Variants in DPP10 observed in about 807,000 individuals in gnomAD.
DPP10 encodes inactive dipeptidyl peptidase 10.
A neutral mutation model predicts 120.9 loss-of-function variants in DPP10; 33 were observed. That is an observed-to-expected ratio of 0.27 (90% CI 0.21 to 0.37). The LOEUF is 0.37. Ranked by LOEUF, DPP10 falls within the 10% of genes least tolerant of loss-of-function variation. DPP10 has a pLI of 1.00. For missense variants in DPP10, 816 were observed against 942.8 expected (o/e 0.87, Z 1.76); for synonymous variants, 337 against 326.1 (o/e 1.03, Z -0.36).
chr2:115,632,369 G>GA (rs535785079), intron 5 of DPP10, among the ~76,000 whole-genome samples: 111 of 152,194 alleles, frequency 7.3e-4, no homozygotes, highest in African/African-American at 2.4e-3. Flanking sequence ...GCCATTCTCT[G>GA]TCTTTTGATC....
intron 1 of DPP10, among the ~76,000 whole-genome samples, chr2:115,155,326 G>A (rs980689120): frequency 1.6e-4 from 25 of 152,174 alleles, no homozygotes; most frequent in African/African-American, 6.0e-4. Context: ...GGTTGTGAAA[G>A]GTGTTGAGTC....
intron 3 of DPP10, among the ~76,000 whole-genome samples, chr2:115,428,144 T>A (rs1298682359): frequency 6.6e-6 from 1 of 152,198 alleles, no homozygotes; most frequent in Non-Finnish European, 1.5e-5. Flanking sequence ...GACTTCACTG[T>A]CCATATCACT....
At chr2:114,997,904 C>T (rs1701198680) in intron 1 of DPP10, among the ~76,000 whole-genome samples, 1 of 152,158 alleles carries the variant, frequency 6.6e-6, no homozygotes, top group East Asian at 1.9e-4. Flanking sequence ...AGATGAAATT[C>T]ACATATGTTT....
intron 5 of DPP10, among the ~76,000 whole-genome samples, chr2:115,643,131 T>TA (rs548760124): frequency 0.055 from 7,975 of 144,854 alleles, 288 homozygotes; most frequent in Non-Finnish European, 0.077. Flanking sequence ...ACTCTAGAAA[T>TA]AAAAAAAAAA....
chr2:114,497,070 CATAT>C (rs1272972272), intron 1 of DPP10, among the ~76,000 whole-genome samples: 1 of 149,850 alleles, frequency 6.7e-6, no homozygotes, highest in African/African-American at 2.5e-5. Context: ...TATACATACA[CATAT>C]ACATATACAT....
chr2:114,475,686 CTATT>C (rs1413243973), intron 1 of DPP10, among the ~76,000 whole-genome samples: 1 of 152,148 alleles, frequency 6.6e-6, no homozygotes, highest in African/African-American at 2.4e-5. Flanking sequence ...TGTAGTTAAT[CTATT>C]TAAAGAATCA....
chr2:114,693,333 A>G (rs1479736905), intron 1 of DPP10, among the ~76,000 whole-genome samples: 1 of 151,882 alleles, frequency 6.6e-6, no homozygotes, highest in East Asian at 1.9e-4. Flanking sequence ...TCTTTCACTT[A>G]TGAAGCTTAG....
intron 5 of DPP10, among the ~76,000 whole-genome samples, chr2:115,556,682 T>C (rs2080238345): frequency 6.6e-6 from 1 of 152,144 alleles, no homozygotes; most frequent in African/African-American, 2.4e-5. Context: ...TCTTAACCAA[T>C]AACTATTTCT....
intron 1 of DPP10, among the ~76,000 whole-genome samples, chr2:114,696,649 T>C (rs955405536): frequency 2.0e-5 from 3 of 151,962 alleles, no homozygotes; most frequent in Non-Finnish European, 4.4e-5. Flanking sequence ...TAAGTCAGTT[T>C]GTTTGGTGCC....
intron 1 of DPP10, among the ~76,000 whole-genome samples, chr2:114,869,296 G>A (rs1323331265): frequency 6.6e-6 from 1 of 152,110 alleles, no homozygotes; most frequent in African/African-American, 2.4e-5. Context: ...CTCCTTAACT[G>A]ATTGTGAAGC....
chr2:115,352,543 A>G (rs2064103053), intron 3 of DPP10, among the ~76,000 whole-genome samples: 1 of 152,128 alleles, frequency 6.6e-6, no homozygotes, highest in Non-Finnish European at 1.5e-5. Context: ...CCATCTATAT[A>G]TCCATCTATC....
chr2:114,530,639 C>G (rs1685892283), intron 1 of DPP10, among the ~76,000 whole-genome samples: 1 of 152,088 alleles, frequency 6.6e-6, no homozygotes, highest in African/African-American at 2.4e-5. Flanking sequence ...CAAATGCCCT[C>G]CAGGGTTCCT....
At chr2:115,839,144 C>T (rs1184602855) in intron 24 of DPP10, among the ~76,000 whole-genome samples, 2 of 152,162 alleles carry the variant, frequency 1.3e-5, no homozygotes, top group Admixed American at 6.5e-5. Flanking sequence ...TTTCTAGAAG[C>T]TTACATTTAT....
At chr2:114,977,915 T>A (rs1699854084) in intron 1 of DPP10, among the ~76,000 whole-genome samples, 1 of 152,068 alleles carries the variant, frequency 6.6e-6, no homozygotes, top group African/African-American at 2.4e-5. Flanking sequence ...TCTTATCAAA[T>A]TTTTTAACTG....
At chr2:115,100,500 A>T (rs1293023853) in intron 1 of DPP10, among the ~76,000 whole-genome samples, 1 of 152,028 alleles carries the variant, frequency 6.6e-6, no homozygotes. Flanking sequence ...TATATAAAGG[A>T]ATATATAAGA....
At chr2:115,128,143 C>G (rs1417484563) in intron 1 of DPP10, among the ~76,000 whole-genome samples, 2 of 152,114 alleles carry the variant, frequency 1.3e-5, no homozygotes, top group Non-Finnish European at 2.9e-5. Flanking sequence ...TCTTTATAAT[C>G]AGCCTTCCCA....
intron 1 of DPP10, among the ~76,000 whole-genome samples, chr2:114,916,160 C>T (rs987387317): frequency 6.6e-6 from 1 of 152,240 alleles, no homozygotes. Flanking sequence ...ACTAACCCCA[C>T]AGAAATACAG....
chr2:115,087,342 T>TA (rs1297782033), intron 1 of DPP10, among the ~76,000 whole-genome samples: 2 of 152,076 alleles, frequency 1.3e-5, no homozygotes. Context: ...TTCTTCAGCA[T>TA]AAAAAACTGA....
intron 1 of DPP10, among the ~76,000 whole-genome samples, chr2:114,755,649 A>T (rs2106070295): frequency 1.3e-5 from 2 of 152,346 alleles, no homozygotes; most frequent in Middle Eastern, 6.8e-3. Flanking sequence ...TAGAATCTGA[A>T]GATCCTATCC....
Sources: allele counts gnomAD v4.1 joint callset (sites outside exome capture counted in the v4.1 genomes callset), GRCh38; gene constraint gnomAD v4.1.1; transcripts MANE v1.5; gene names NCBI Gene and HGNC (gene_info 2026-07-23, HGNC 2026-07-21).